Variants in SLC30A9 observed in about 807,000 individuals in gnomAD.
SLC30A9 encodes proton-coupled zinc antiporter SLC30A9, mitochondrial.
Under a neutral mutation model 87.5 loss-of-function variants are expected in SLC30A9, and 58 were observed. The observed-to-expected ratio is 0.66, with a 90% CI of 0.54 to 0.82. SLC30A9 has a LOEUF of 0.82. SLC30A9 is among the 40% of genes least tolerant of loss of function. The pLI is 0.00. For synonymous variants in SLC30A9, 234 were observed against 233.0 expected (o/e 1.00, Z -0.04); for missense variants, 557 against 679.1 (o/e 0.82, Z 2.00).
intron 2 of SLC30A9, among the ~76,000 whole-genome samples, chr4:42,003,925 C>T (rs571316130): frequency 2.0e-5 from 3 of 152,228 alleles, no homozygotes; most frequent in East Asian, 1.9e-4. Flanking sequence ...TTCTGATCAC[C>T]GCCTCCAACT....
intron 9 of SLC30A9, among the ~76,000 whole-genome samples, chr4:42,054,459 G>C (rs1717519855): frequency 6.6e-6 from 1 of 151,494 alleles, no homozygotes. Context: ...TGATTACTTA[G>C]TAGATATTTG....
intron 10 of SLC30A9, among the ~76,000 whole-genome samples, chr4:42,061,018 T>C (rs943855452): frequency 6.6e-6 from 1 of 152,206 alleles, no homozygotes; most frequent in Admixed American, 6.5e-5. Flanking sequence ...AGTGTGTTAA[T>C]TACCCATCAT....
At chr4:41,990,848 C>T (rs747960062) in intron 1 of SLC30A9, 88 bp downstream of exon 1, 3 of 945,958 alleles carry the variant, frequency 3.2e-6, no homozygotes, top group Non-Finnish European at 4.9e-6. Context: ...GCAATTCGCC[C>T]ACTTGCCTTT....
intron 8 of SLC30A9, among the ~76,000 whole-genome samples, chr4:42,048,019 C>G (rs1461958543): frequency 6.6e-6 from 1 of 151,588 alleles, no homozygotes; most frequent in African/African-American, 2.4e-5. Context: ...TAAGTGAGAG[C>G]TGAACAATGA....
At chr4:42,042,114 A>G (rs1474813245) in intron 8 of SLC30A9, among the ~76,000 whole-genome samples, 1 of 152,194 alleles carries the variant, frequency 6.6e-6, no homozygotes, top group Non-Finnish European at 1.5e-5. Flanking sequence ...CTTGGGTTTC[A>G]AGCACAAAAC....
chr4:42,021,360 A>T (rs1715941883), intron 4 of SLC30A9, among the ~76,000 whole-genome samples: 1 of 152,190 alleles, frequency 6.6e-6, no homozygotes, highest in Admixed American at 6.5e-5. Context: ...TTGAAAGCTG[A>T]TCCATACATT....
intron 8 of SLC30A9, among the ~76,000 whole-genome samples, chr4:42,044,203 A>G (rs1241806420): frequency 6.6e-6 from 1 of 152,178 alleles, no homozygotes; most frequent in Non-Finnish European, 1.5e-5. Flanking sequence ...AGATTCACAC[A>G]TAACAATATT....
Position 42,086,110 on chromosome 4 carries a change from A to G in SLC30A9, c.1691A>G (p.Asp564Gly). The G allele has an allele frequency of 6.5e-7, 1 of 1,531,868 alleles. No homozygotes were observed. The highest frequency in any genetic ancestry group is 8.9e-7 in the Non-Finnish European group (1 of 1,127,386). The allele number at this position is 1,531,868 out of a possible 1,614,324, so 94.9% of individuals were successfully genotyped here. The stretch of plus-strand genomic sequence containing the variant: ...CGAAATCCTGAAGTTCGACATGTAG[A>G]TTTGGAGATACTGTGAGTTTGATGG... ...KKRNPEVRHV[D>G]LEIL The change falls in exon 18 of 18, where the codon GAT (aspartate) becomes GGT (glycine). Residue 564 changes from aspartate to glycine, a missense_variant. This residue lies in a region of SLC30A9 where 90 missense variants were observed against 149.4 expected (regional missense o/e 0.60). Coordinates refer to ENST00000264451, the MANE Select transcript of SLC30A9 (RefSeq NM_006345.4).
At chr4:42,053,695 CAAAAAAAAAAAAA>C (rs56190460) in intron 9 of SLC30A9, among the ~76,000 whole-genome samples, 26 of 55,924 alleles carry the variant, frequency 4.6e-4, no homozygotes, top group African/African-American at 1.0e-3. Context: ...ACTCGGTCTC[CAAAAAAAAAAAAA>C]AAAAAAAAAA....
At chr4:42,085,198 C>T (rs1219771909) in intron 17 of SLC30A9, among the ~76,000 whole-genome samples, 2 of 152,194 alleles carry the variant, frequency 1.3e-5, no homozygotes, top group Non-Finnish European at 2.9e-5. Flanking sequence ...CTGGAAGGCT[C>T]ATCATATGCA....
chr4:42,020,365 C>T (rs1577688770), intron 3 of SLC30A9, 51 bp from the exon 4 acceptor site: 1 of 855,326 alleles, frequency 1.2e-6, no homozygotes, highest in Non-Finnish European at 1.9e-6. Flanking sequence ...TTCATCTTCA[C>T]ATGTGACTTT....
chr4:42,026,685 A>G (rs1211537403), intron 6 of SLC30A9, among the ~76,000 whole-genome samples: 2 of 147,022 alleles, frequency 1.4e-5, no homozygotes, highest in African/African-American at 4.9e-5. Context: ...TTTGCCTTGT[A>G]TGGCTGTTAA....
chr4:42,080,540 T>A (rs145308434), intron 17 of SLC30A9, among the ~76,000 whole-genome samples: 1 of 152,370 alleles, frequency 6.6e-6, no homozygotes, highest in East Asian at 1.9e-4. Flanking sequence ...TGAGACTTGA[T>A]GACCAGAGAT....
intron 17 of SLC30A9, among the ~76,000 whole-genome samples, chr4:42,081,947 G>A (rs1486503216): frequency 6.6e-6 from 1 of 152,186 alleles, no homozygotes. Flanking sequence ...GGCGCGTGCG[G>A]TTGCTCATGC....
chr4:42,040,572 C>T (rs1339686051), intron 8 of SLC30A9, among the ~76,000 whole-genome samples: 1 of 151,766 alleles, frequency 6.6e-6, no homozygotes, highest in Admixed American at 6.6e-5. Flanking sequence ...TGGGAGACCT[C>T]GTGATCCGAG....
At position 42,089,822 on chromosome 4, in the gene SLC30A9, A is replaced by C. The variant is rs867273658; in HGVS notation, c.*3696A>C. The stretch of plus-strand genomic sequence containing the variant: ...CTGTGAGATAAGATCAGACGGAAAA[A>C]TTTTCAAATTTTTTCAAAAGCAAAG... On this transcript the variant is annotated 3_prime_UTR_variant, in exon 18 of 18. Transcript: ENST00000264451. The C allele has an allele frequency of 6.6e-6, 1 of 152,136 alleles. No homozygotes were observed. Among genetic ancestry groups the C allele is most frequent in the Non-Finnish European group, 1.5e-5 (1 of 68,024 alleles). 9.4% of individuals were successfully genotyped at this position (152,136 alleles called of 1,614,324 possible).
At chr4:42,009,354 GT>G (rs1166036486) in intron 2 of SLC30A9, among the ~76,000 whole-genome samples, 32 of 152,330 alleles carry the variant, frequency 2.1e-4, no homozygotes, top group African/African-American at 7.5e-4. Context: ...TTGAGATTGA[GT>G]TTTGAATAAT....
intron 8 of SLC30A9, among the ~76,000 whole-genome samples, chr4:42,047,303 A>G (rs1398334009): frequency 5.3e-5 from 8 of 152,106 alleles, no homozygotes; most frequent in Non-Finnish European, 8.8e-5. Flanking sequence ...AATCTATAGA[A>G]TGGGAGAAAA....
At chr4:41,991,085 C>A (rs1188098522) in intron 1 of SLC30A9, among the ~76,000 whole-genome samples, 2 of 152,280 alleles carry the variant, frequency 1.3e-5, no homozygotes, top group African/African-American at 4.8e-5. Context: ...TACTCACCTC[C>A]GCGGTTGGAA....
Sources: allele counts gnomAD v4.1 joint callset (sites outside exome capture counted in the v4.1 genomes callset), GRCh38; gene constraint gnomAD v4.1.1; regional missense constraint gnomAD v4.1.1; transcripts MANE v1.5; gene names NCBI Gene and HGNC (gene_info 2026-07-23, HGNC 2026-07-21).